RAPGEF4: variants seen among roughly 807,000 people sequenced by gnomAD.
RAPGEF4 encodes the protein RAP guanine-nucleotide-exchange factor (GEF) 4.
RAPGEF4 carries 66 observed loss-of-function variants against 147.9 expected under a neutral mutation model. That is an observed-to-expected ratio of 0.45 (90% confidence interval 0.37 to 0.55). The LOEUF is 0.55. RAPGEF4 is among the 20% of genes least tolerant of loss of function. The probability of loss-of-function intolerance (pLI) is 0.00; values close to 1 mark genes in which losing one functional copy is unlikely to be tolerated. For missense variants in RAPGEF4, 1,071 were observed against 1,257.3 expected, an observed-to-expected ratio of 0.85 and a Z score of 2.24; for synonymous variants, 419 against 442.7, an observed-to-expected ratio of 0.95 and a Z score of 0.67.
At chr2:172,796,005 C>G (rs544785554) in intron 2 of RAPGEF4, among the ~76,000 whole-genome samples, 1 of 152,332 alleles carries the variant, frequency 6.6e-6, no homozygotes, top group South Asian at 2.1e-4. Flanking sequence ...TCCCAGCAGC[C>G]TTCTTGTATT....
intron 3 of RAPGEF4, among the ~76,000 whole-genome samples, chr2:172,810,507 G>A (rs1288284672): frequency 2.0e-5 from 3 of 152,220 alleles, no homozygotes; most frequent in Non-Finnish European, 2.9e-5. Context: ...AAGGAGGTCT[G>A]TGTTTTAGAA....
chr2:172,840,946 C>T (rs147548120), intron 4 of RAPGEF4, among the ~76,000 whole-genome samples: 1 of 152,346 alleles, frequency 6.6e-6, no homozygotes, highest in African/African-American at 2.4e-5. Context: ...CCAGGGCTGA[C>T]GCCATAGCAC....
At chr2:173,034,874 AC>A (rs1402998569) in intron 27 of RAPGEF4, among the ~76,000 whole-genome samples, 1 of 2,994 alleles carries the variant, frequency 3.3e-4, no homozygotes, top group Non-Finnish European at 3.1e-3. Context: ...CCCCGTCTCA[AC>A]ACACACACAC....
intron 26 of RAPGEF4, among the ~76,000 whole-genome samples, chr2:173,030,493 T>G (rs1245164046): frequency 6.6e-6 from 1 of 152,206 alleles, no homozygotes; most frequent in African/African-American, 2.4e-5. Flanking sequence ...CTTCTTGATA[T>G]ATGCAATGTA....
At chr2:172,785,465 TCA>T (rs1685109750) in intron 1 of RAPGEF4, among the ~76,000 whole-genome samples, 1 of 152,298 alleles carries the variant, frequency 6.6e-6, no homozygotes, top group East Asian at 1.9e-4. Context: ...TTGATAAAGC[TCA>T]CATGCATTAT....
At chr2:172,982,233 T>C (rs956214176) in intron 10 of RAPGEF4, among the ~76,000 whole-genome samples, 11 of 152,202 alleles carry the variant, frequency 7.2e-5, no homozygotes, top group Non-Finnish European at 1.2e-4. Context: ...TGGTACATCA[T>C]CAGTAGCTCA....
chr2:172,771,172 G>A (rs1683535479), intron 1 of RAPGEF4, among the ~76,000 whole-genome samples: 1 of 151,900 alleles, frequency 6.6e-6, no homozygotes, highest in Admixed American at 6.6e-5. Flanking sequence ...CTGGAGGCTG[G>A]GAAGTCCAAG....
At chr2:173,044,285 G>A (rs1036762908) in intron 29 of RAPGEF4, among the ~76,000 whole-genome samples, 3 of 149,374 alleles carry the variant, frequency 2.0e-5, no homozygotes, top group African/African-American at 4.9e-5. Flanking sequence ...GGGAGGGGGG[G>A]TGAGTATTGT....
At chr2:173,034,916 A>C (rs1284379014) in intron 27 of RAPGEF4, among the ~76,000 whole-genome samples, 1 of 151,836 alleles carries the variant, frequency 6.6e-6, no homozygotes, top group Non-Finnish European at 1.5e-5. Context: ...ACACAAATAC[A>C]AATCAATTTG....
chr2:172,865,288 A>G (rs2161995), intron 4 of RAPGEF4, among the ~76,000 whole-genome samples: 1 of 152,164 alleles, frequency 6.6e-6, no homozygotes, highest in Non-Finnish European at 1.5e-5. Context: ...CTCCTTGGTC[A>G]CTTTTTGCAA....
At chr2:172,926,379 A>G (rs1361841588) in intron 6 of RAPGEF4, among the ~76,000 whole-genome samples, 1 of 152,122 alleles carries the variant, frequency 6.6e-6, no homozygotes, top group Non-Finnish European at 1.5e-5. Context: ...TGTGCTCCAT[A>G]CTTCTGAAAG....
At chr2:172,991,537 C>T (rs1692837871) in intron 15 of RAPGEF4, among the ~76,000 whole-genome samples, 1 of 152,218 alleles carries the variant, frequency 6.6e-6, no homozygotes, top group African/African-American at 2.4e-5. Context: ...TTTGCTGCAA[C>T]TTACTACATA....
chr2:172,794,945 A>G, intron 1 of RAPGEF4, 80 bp from the exon 2 acceptor site: 3 of 1,329,728 alleles, frequency 2.3e-6, no homozygotes, highest in Non-Finnish European at 3.1e-6. Flanking sequence ...AAATTTGAAT[A>G]TAATTAAAAT....
intron 4 of RAPGEF4, among the ~76,000 whole-genome samples, chr2:172,891,170 A>G (rs1697865123): frequency 6.6e-6 from 1 of 152,172 alleles, no homozygotes; most frequent in African/African-American, 2.4e-5. Context: ...GTAACAGCAC[A>G]GTATTAAACC....
intron 4 of RAPGEF4, among the ~76,000 whole-genome samples, chr2:172,896,657 A>C (rs752886663): frequency 1.1e-4 from 16 of 151,534 alleles, no homozygotes; most frequent in Non-Finnish European, 1.9e-4. Flanking sequence ...GAAGGATCAT[A>C]CTATTGAAAG....
intron 17 of RAPGEF4, among the ~76,000 whole-genome samples, chr2:173,003,243 GAAGGTCCGTTCC>G (rs142803173): frequency 0.068 from 10,270 of 151,918 alleles, 443 homozygotes; most frequent in East Asian, 0.1. Context: ...GCTCTGGAGA[GAAGGTCCGTTCC>G]ATGCCCAGGT....
chr2:172,765,313 A>T (rs144893935), intron 1 of RAPGEF4, among the ~76,000 whole-genome samples: 13 of 152,328 alleles, frequency 8.5e-5, no homozygotes, highest in African/African-American at 2.6e-4. Context: ...TTACATTCTG[A>T]GTTCCAGGTG....
At chr2:172,746,262 T>C (rs1694756307) in intron 1 of RAPGEF4, among the ~76,000 whole-genome samples, 1 of 152,244 alleles carries the variant, frequency 6.6e-6, no homozygotes. Flanking sequence ...ATTCCATTGC[T>C]TTATTTCATT....
At position 172,907,095 on chromosome 2, in the gene RAPGEF4, G is replaced by A. The variant is rs145348019; in HGVS notation, c.445-10707G>A. Among the ~76,000 whole-genome samples, 645 of 152,338 alleles carry A rather than the reference G, an allele frequency of 4.2e-3. 4 individuals carry two copies. The highest frequency in any genetic ancestry group is 0.015 in the African/African-American group (625 of 41,584). On this transcript the variant is annotated intron_variant, in intron 4 of 30. Coordinates refer to ENST00000397081, the MANE Select transcript of RAPGEF4 (RefSeq NM_007023.4). ...CCCCAGTCTGGTGGTTGCTCTGCCA[G>A]CCTTCCAGCCAGAATTCCTCAGTGC...
Sources: gnomAD v4.1 joint callset for allele counts (sites outside exome capture counted in the v4.1 genomes callset) on GRCh38, gnomAD v4.1.1 for gene constraint, MANE v1.5 for transcripts, NCBI Gene and HGNC (gene_info 2026-07-23, HGNC 2026-07-21) for gene names.